PLCL1: variants seen among roughly 807,000 people sequenced by gnomAD.
PLCL1 encodes phospholipase C like 1 (inactive), also known as inactive phospholipase C-like protein 1.
PLCL1 carries 41 observed loss-of-function variants against 84.4 expected under a neutral mutation model. The ratio of observed to expected loss-of-function variants is 0.49; its 90% CI spans 0.38 to 0.63. The LOEUF (loss-of-function observed/expected upper bound fraction) is 0.63, where lower values mean the gene tolerates loss of function less well. PLCL1 is among the 30% of genes least tolerant of loss of function. The pLI is 0.00. For synonymous variants in PLCL1, 490 were observed against 488.3 expected (o/e 1.00, Z -0.05); for missense variants, 1,206 against 1,367.8 (o/e 0.88, Z 1.87).
At chr2:197,979,205 A>G (rs1333960837) in intron 1 of PLCL1, among the ~76,000 whole-genome samples, 1 of 152,188 alleles carries the variant, frequency 6.6e-6, no homozygotes, top group Admixed American at 6.5e-5. Context: ...GGGACTGTAC[A>G]TGATTTTGCT....
chr2:197,830,954 G>A (rs1691046364), intron 1 of PLCL1, among the ~76,000 whole-genome samples: 1 of 152,240 alleles, frequency 6.6e-6, no homozygotes, highest in Admixed American at 6.5e-5. Context: ...ATCCTTTACA[G>A]ACAAGCAAAT....
At position 198,074,581 on chromosome 2, in the gene PLCL1, G is replaced by A. The variant is rs151079176; in HGVS notation, c.241-9177G>A. ...GTGAACCTGGGAGGCGGAGCTTGCA[G>A]TGAGCCGAGATCGAGCCACTGCACT... On this transcript the variant is annotated intron_variant, in intron 1 of 5. Transcript: ENST00000428675. 1.2e-3 allele frequency among the ~76,000 whole-genome samples: 186 copies of A among 152,306 alleles called. 1 individual carries two copies. Among genetic ancestry groups the A allele is most frequent in the African/African-American group, 4.4e-3 (183 of 41,568 alleles).
intron 1 of PLCL1, among the ~76,000 whole-genome samples, chr2:197,925,055 G>A (rs1688807737): frequency 6.6e-6 from 1 of 152,068 alleles, no homozygotes; most frequent in Admixed American, 6.6e-5. Flanking sequence ...TTAAGAATCA[G>A]TTTTTTACTT....
intron 1 of PLCL1, among the ~76,000 whole-genome samples, chr2:197,889,110 A>C (rs982681549): frequency 2.6e-5 from 4 of 152,162 alleles, no homozygotes; most frequent in African/African-American, 9.7e-5. Context: ...TCTGGAAACA[A>C]CCTAGACATC....
chr2:197,910,600 A>G (rs1273963296), intron 1 of PLCL1, among the ~76,000 whole-genome samples: 1 of 152,188 alleles, frequency 6.6e-6, no homozygotes, highest in Non-Finnish European at 1.5e-5. Flanking sequence ...AATTGCTTTG[A>G]AGCAGAATCT....
In PLCL1 at chr2:197,923,083, AC is replaced by A. The variant is rs1199289006; in HGVS notation, c.240+117751del. Among the ~76,000 whole-genome samples, 152 of 121,052 alleles carry A rather than the reference AC, an allele frequency of 1.3e-3. 1 individual carries two copies. Among genetic ancestry groups the A allele is most frequent in the Non-Finnish European group, 1.9e-3 (107 of 56,964 alleles). 79.4% of individuals were successfully genotyped at this position (121,052 alleles called of 152,430 possible). A position where few individuals can be genotyped will look rare whatever the true frequency, so the allele number is the denominator to read the frequency against. ...GGGCGGCTGGCCGGGCGGAGGGCTG[AC>A]CCCCCCACCTCCCTACCGGACGGGG... is the stretch of plus-strand genomic sequence containing the variant. On this transcript the variant is annotated intron_variant, in intron 1 of 5. Transcript: ENST00000428675.
chr2:197,897,648 A>G (rs1272342198), intron 1 of PLCL1, among the ~76,000 whole-genome samples: 1 of 152,162 alleles, frequency 6.6e-6, no homozygotes, highest in South Asian at 2.1e-4. Flanking sequence ...TAATGCTGTA[A>G]TTACTTGTTT....
At chr2:197,926,210 C>T (rs1688826680) in intron 1 of PLCL1, among the ~76,000 whole-genome samples, 1 of 152,166 alleles carries the variant, frequency 6.6e-6, no homozygotes, top group East Asian at 1.9e-4. Context: ...GAGCCCCAAA[C>T]CAACCCTGTG....
intron 1 of PLCL1, among the ~76,000 whole-genome samples, chr2:197,988,873 A>T (rs1690276814): frequency 6.6e-6 from 1 of 152,174 alleles, no homozygotes; most frequent in Admixed American, 6.5e-5. Flanking sequence ...CACCATATTG[A>T]CACCAACATT....
intron 1 of PLCL1, among the ~76,000 whole-genome samples, chr2:197,952,062 A>C (rs1338736409): frequency 1.3e-5 from 2 of 152,154 alleles, no homozygotes; most frequent in Non-Finnish European, 2.9e-5. Flanking sequence ...CTAACTGAGC[A>C]AACAAGTCCT....
At chr2:197,838,150 G>A (rs1182029490) in intron 1 of PLCL1, among the ~76,000 whole-genome samples, 1 of 152,136 alleles carries the variant, frequency 6.6e-6, no homozygotes, top group Non-Finnish European at 1.5e-5. Context: ...GGAAGCTCTC[G>A]CCTGGGAGCT....
chr2:198,003,928 C>G (rs572335909), intron 1 of PLCL1, among the ~76,000 whole-genome samples: 1 of 152,158 alleles, frequency 6.6e-6, no homozygotes, highest in Admixed American at 6.5e-5. Context: ...TTAGAAGGAA[C>G]TTGACCAAGT....
rs561815912 is a variant in PLCL1 at position 198,079,706 on chromosome 2, A to G, written c.241-4052A>G. 1.8e-4 allele frequency among the ~76,000 whole-genome samples: 28 copies of G among 152,356 alleles called. 1 individual carries two copies. The South Asian group carries it at 5.8e-3, about 32-fold the overall frequency. On this transcript the variant is annotated intron_variant, in intron 1 of 5. Coordinates refer to ENST00000428675, the MANE Select transcript of PLCL1 (RefSeq NM_006226.4). ...TGTGAAATATTATTTAGAGATGTTC[A>G]GAGACCATATAAACCCAATTTTGTT...
chr2:197,962,210 A>G (rs1173860098), intron 1 of PLCL1, among the ~76,000 whole-genome samples: 4 of 152,074 alleles, frequency 2.6e-5, no homozygotes, highest in Non-Finnish European at 5.9e-5. Context: ...ATGCCAATGT[A>G]GAGACCACCC....
rs79267420 is a variant in PLCL1 at position 197,805,688 on chromosome 2, T to C, written c.240+349T>C. Among the ~76,000 whole-genome samples the C allele has an allele frequency of 6.2e-4, 94 of 152,292 alleles. No homozygotes were observed. The highest frequency in any genetic ancestry group is 2.2e-3 in the African/African-American group (92 of 41,554). On this transcript the variant is annotated intron_variant, in intron 1 of 5. Transcript: ENST00000428675. This position sits in a 1 kb window ranked among gnomAD's most constrained non-coding sequence, Gnocchi z 4.0. ...TGCAGACCCACCGGATGGTTGTGCA[T>C]TGCTTTCCAATGAAGGGTTAGCTTT... is the stretch of plus-strand genomic sequence containing the variant.
intron 5 of PLCL1, among the ~76,000 whole-genome samples, chr2:198,144,137 G>A (rs188438570): frequency 5.5e-4 from 84 of 152,252 alleles, no homozygotes; most frequent in Non-Finnish European, 4.4e-5. Flanking sequence ...CCATGCTGTG[G>A]GAAAAGGGGA....
chr2:197,968,994 C>A (rs1022991885), intron 1 of PLCL1, among the ~76,000 whole-genome samples: 30 of 152,226 alleles, frequency 2.0e-4, no homozygotes, highest in African/African-American at 6.5e-4. Flanking sequence ...TGAGTGAACA[C>A]TATCGCCTGA....
chr2:197,845,602 T>C (rs1167564818), intron 1 of PLCL1, among the ~76,000 whole-genome samples: 1 of 152,144 alleles, frequency 6.6e-6, no homozygotes, highest in East Asian at 1.9e-4. Context: ...TGCTTCTCAG[T>C]AGTTTTTAAG....
intron 1 of PLCL1, among the ~76,000 whole-genome samples, chr2:197,931,198 A>G (rs1688924414): frequency 6.6e-6 from 1 of 152,208 alleles, no homozygotes; most frequent in Admixed American, 6.5e-5. Context: ...AGCAGTATCT[A>G]TTGCTAGCAA....
Sources: gnomAD v4.1 joint callset for allele counts (sites outside exome capture counted in the v4.1 genomes callset) on GRCh38, gnomAD v4.1.1 for gene constraint, Gnocchi (gnomAD v3.1) non-coding constraint, MANE v1.5 for transcripts, NCBI Gene and HGNC (gene_info 2026-07-23, HGNC 2026-07-21) for gene names.